WHRN: variants seen among roughly 807,000 people sequenced by gnomAD.
WHRN encodes the protein CASK-interacting protein CIP98.
Under a neutral mutation model 68.3 loss-of-function variants are expected in WHRN, and 41 were observed. That is an observed-to-expected ratio of 0.60 (90% CI 0.47 to 0.78). The LOEUF is 0.78. Among genes scored for constraint, WHRN ranks in the 30% least tolerant of loss-of-function variants. The pLI is 0.00. For synonymous variants in WHRN, 560 were observed against 561.3 expected (o/e 1.00, Z 0.03); for missense variants, 1,243 against 1,244.7 (o/e 1.00, Z 0.02).
At chr9:114,405,622 G>A (rs1051789737) in intron 9 of WHRN, among the ~76,000 whole-genome samples, 1 of 152,188 alleles carries the variant, frequency 6.6e-6, no homozygotes, top group Admixed American at 6.5e-5. Flanking sequence ...TTCTCACCAC[G>A]TCTGCCTGCT....
rs977173036 is a variant in WHRN at position 114,491,754 on chromosome 9, G to A, written c.618+12430C>T. 30 of 272,420 alleles carry A rather than the reference G, an allele frequency of 1.1e-4. No homozygotes were observed. The Middle Eastern group carries it at 1.3e-3, about 12-fold the overall frequency. The allele number at this position is 272,420 out of a possible 1,614,324, so 16.9% of individuals were successfully genotyped here. On this transcript the variant is annotated intron_variant, in intron 1 of 11. Transcript: ENST00000362057. ...AGGAACCCAAGTAGCTTTGTGCTTC[G>A]TGTCCAACCCTCCCGCCCTTTGCCT... is the stretch of plus-strand genomic sequence containing the variant.
intron 3 of WHRN, among the ~76,000 whole-genome samples, chr9:114,448,073 T>C (rs994116366): frequency 6.6e-6 from 1 of 152,156 alleles, no homozygotes; most frequent in Non-Finnish European, 1.5e-5. Flanking sequence ...CAAAAATATG[T>C]CCAAGTTCTA....
intron 3 of WHRN, among the ~76,000 whole-genome samples, chr9:114,460,354 C>T (rs1840143750): frequency 6.6e-6 from 1 of 152,180 alleles, no homozygotes; most frequent in Non-Finnish European, 1.5e-5. Flanking sequence ...TTAATGTCCG[C>T]CACAGGGCTA....
At chr9:114,490,081 G>A (rs1029362904) in intron 1 of WHRN, among the ~76,000 whole-genome samples, 1 of 152,182 alleles carries the variant, frequency 6.6e-6, no homozygotes, top group Non-Finnish European at 1.5e-5. Flanking sequence ...CAGGACCCGC[G>A]ACACAGCCAT....
intron 7 of WHRN, among the ~76,000 whole-genome samples, chr9:114,409,442 AAAG>A (rs1363024269): frequency 6.6e-6 from 1 of 152,232 alleles, no homozygotes; most frequent in Non-Finnish European, 1.5e-5. Flanking sequence ...TGAGCAGAGC[AAAG>A]AAGGGAACGA....
intron 3 of WHRN, among the ~76,000 whole-genome samples, chr9:114,459,470 C>A (rs1313630683): frequency 2.1e-5 from 3 of 139,580 alleles, no homozygotes; most frequent in Admixed American, 7.3e-5. Flanking sequence ...CTAAAAAAAA[C>A]AGAGTTCCTA....
At chr9:114,501,337 T>C (rs1843903520) in intron 1 of WHRN, among the ~76,000 whole-genome samples, 1 of 152,188 alleles carries the variant, frequency 6.6e-6, no homozygotes, top group South Asian at 2.1e-4. Flanking sequence ...ACTGCTGATT[T>C]TGCAAATGGG....
At chr9:114,467,068 G>T (rs1461783840) in intron 2 of WHRN, among the ~76,000 whole-genome samples, 4 of 150,316 alleles carry the variant, frequency 2.7e-5, no homozygotes, top group East Asian at 2.0e-4. Context: ...CACCTCAGGG[G>T]TCTCCTGTCA....
chr9:114,403,496 G>C (rs1834816475), intron 10 of WHRN, among the ~76,000 whole-genome samples, 157 bp from the exon 11 acceptor site: 1 of 152,234 alleles, frequency 6.6e-6, no homozygotes, highest in Non-Finnish European at 1.5e-5. Context: ...CCAAGCACTT[G>C]TGTTCTTGGC....
rs545761249 is a variant in WHRN at position 114,477,161 on chromosome 9, C to T, written c.837+1392G>A. 2.0e-5 allele frequency among the ~76,000 whole-genome samples: 3 copies of T among 152,314 alleles called. No individual in the cohort carries two copies. In the South Asian group the frequency reaches 6.2e-4, roughly 32 times the overall value. ...CAATAGAAGCTGCTGTGATCTCTGC[C>T]GCGTCCTGCATATTGACGTTTCAGC... On this transcript the variant is annotated intron_variant, in intron 2 of 11. Coordinates refer to ENST00000362057, the MANE Select transcript of WHRN (RefSeq NM_015404.4).
At chr9:114,455,738 A>G (rs1200557559) in intron 3 of WHRN, among the ~76,000 whole-genome samples, 1 of 150,412 alleles carries the variant, frequency 6.6e-6, no homozygotes, top group Non-Finnish European at 1.5e-5. Context: ...AAAAGAAAAT[A>G]TTTTCCAATC....
intron 1 of WHRN, among the ~76,000 whole-genome samples, chr9:114,500,519 G>A (rs992686264): frequency 5.3e-5 from 8 of 152,122 alleles, no homozygotes; most frequent in Admixed American, 2.6e-4. Flanking sequence ...GAAATTACCG[G>A]CAACAGTTTT....
chr9:114,484,033 T>C (rs1258049878), intron 1 of WHRN, among the ~76,000 whole-genome samples: 1 of 152,158 alleles, frequency 6.6e-6, no homozygotes, highest in Non-Finnish European at 1.5e-5. Flanking sequence ...TGCTGGCTGG[T>C]GTTGCTACCA....
intron 1 of WHRN, among the ~76,000 whole-genome samples, chr9:114,500,527 T>G (rs1020609819): frequency 6.6e-6 from 1 of 152,174 alleles, no homozygotes; most frequent in Non-Finnish European, 1.5e-5. Context: ...CGGCAACAGT[T>G]TTTAACTTCT....
chr9:114,500,804 T>C (rs1387404614), intron 1 of WHRN, among the ~76,000 whole-genome samples: 1 of 152,122 alleles, frequency 6.6e-6, no homozygotes, highest in Admixed American at 6.5e-5. Flanking sequence ...AGCACCAGGG[T>C]TGGTGTTTGT....
At chr9:114,460,665 C>A (rs1044739845) in intron 3 of WHRN, among the ~76,000 whole-genome samples, 7 of 152,134 alleles carry the variant, frequency 4.6e-5, no homozygotes, top group African/African-American at 1.7e-4. Context: ...TGCTGAGAAC[C>A]TGCCTGACCC....
intron 1 of WHRN, among the ~76,000 whole-genome samples, chr9:114,493,564 G>C (rs1037709454): frequency 6.6e-6 from 1 of 152,128 alleles, no homozygotes; most frequent in Non-Finnish European, 1.5e-5. Context: ...GAAGTGTGCT[G>C]ATCAGGCAGT....
chr9:114,410,649 G>A (rs1835372380), intron 7 of WHRN, among the ~76,000 whole-genome samples: 2 of 152,226 alleles, frequency 1.3e-5, no homozygotes, highest in Admixed American at 6.5e-5. Flanking sequence ...TGCAAACCCA[G>A]AGCTCCTCAT....
chr9:114,435,464 C>T (rs944410549), intron 3 of WHRN, among the ~76,000 whole-genome samples: 1 of 152,128 alleles, frequency 6.6e-6, no homozygotes, highest in Non-Finnish European at 1.5e-5. Flanking sequence ...AGGGAAGGAG[C>T]ATTTGATTTT....
Sources: allele counts gnomAD v4.1 joint callset (sites outside exome capture counted in the v4.1 genomes callset), GRCh38; gene constraint gnomAD v4.1.1; transcripts MANE v1.5; gene names NCBI Gene and HGNC (gene_info 2026-07-23, HGNC 2026-07-21).